The following CA1 variants were observed in gnomAD, a reference collection of about 807,000 sequenced individuals.
CA1 encodes carbonate dehydratase I.
In CA1, 27 loss-of-function variants were observed where a neutral mutation model predicts 28.8. That is an observed-to-expected ratio of 0.94 (90% CI 0.69 to 1.29). The LOEUF is 1.29. CA1 is among the 50% of genes most tolerant of loss of function. The pLI is 0.00. For missense variants in CA1, 335 were observed against 310.5 expected (o/e 1.08, Z -0.59); for synonymous variants, 121 against 108.8 (o/e 1.11, Z -0.70).
At chr8:85,352,186 G>A (rs546971878) in intron 1 of CA1, among the ~76,000 whole-genome samples, 1 of 152,268 alleles carries the variant, frequency 6.6e-6, no homozygotes, top group East Asian at 1.9e-4. Flanking sequence ...GGGGTGGATG[G>A]AGAAAGTATG....
chr8:85,345,747 GT>G (rs1438296606), intron 1 of CA1, among the ~76,000 whole-genome samples: 2 of 152,068 alleles, frequency 1.3e-5, no homozygotes, highest in African/African-American at 4.8e-5. Flanking sequence ...ACTCATGTTT[GT>G]TTTTGGATTA....
chr8:85,364,253 G>GA (rs1809920860), intron 1 of CA1, among the ~76,000 whole-genome samples: 1 of 152,162 alleles, frequency 6.6e-6, no homozygotes, highest in African/African-American at 2.4e-5. Flanking sequence ...ATCCACTTGT[G>GA]AAAATCTAAC....
At chr8:85,337,097 G>T in intron 3 of CA1, 34 bp from the exon 4 acceptor site, 3 of 1,147,930 alleles carry the variant, frequency 2.6e-6, no homozygotes, top group Non-Finnish European at 4.0e-6. Flanking sequence ...TTAGCCTGAT[G>T]CTCCACAAAC....
intron 1 of CA1, among the ~76,000 whole-genome samples, chr8:85,359,426 G>T (rs112294939): frequency 3.9e-5 from 6 of 152,152 alleles, no homozygotes. Flanking sequence ...GACTTCATTC[G>T]GTGGATGAGT....
At chr8:85,361,928 CATACAGAGAGGTAAT>C (rs1354473586) in intron 1 of CA1, among the ~76,000 whole-genome samples, 94 of 152,206 alleles carry the variant, frequency 6.2e-4, no homozygotes, top group Middle Eastern at 3.4e-3. Flanking sequence ...TATGGCAGAC[CATACAGAGAGGTAAT>C]ATAGTAGTTT....
chr8:85,350,972 C>G (rs934774383), intron 1 of CA1, among the ~76,000 whole-genome samples: 9 of 152,212 alleles, frequency 5.9e-5, no homozygotes, highest in African/African-American at 2.2e-4. Flanking sequence ...TTTTGTCACT[C>G]CTGTCTCAGG....
intron 1 of CA1, among the ~76,000 whole-genome samples, chr8:85,347,065 G>A (rs1809221091): frequency 6.6e-6 from 1 of 151,994 alleles, no homozygotes; most frequent in South Asian, 2.1e-4. Flanking sequence ...ATCTGTTTGG[G>A]GGTTCTAGCT....
intron 7 of CA1, 144 bp downstream of exon 7, chr8:85,329,545 G>A: frequency 1.3e-6 from 1 of 788,336 alleles, no homozygotes; most frequent in East Asian, 2.7e-5. Context: ...ATAAACCTAT[G>A]TCCCCAAATT....
chr8:85,336,252 TA>T (rs1438083311), intron 4 of CA1, among the ~76,000 whole-genome samples: 3 of 152,174 alleles, frequency 2.0e-5, no homozygotes, highest in Non-Finnish European at 2.9e-5. Flanking sequence ...TTGATGAAAG[TA>T]AAATTAAAAA....
chr8:85,345,527 T>G (rs1809143322), intron 1 of CA1, among the ~76,000 whole-genome samples: 1 of 152,188 alleles, frequency 6.6e-6, no homozygotes, highest in Non-Finnish European at 1.5e-5. Context: ...CCATGTTCTC[T>G]TCATCTATAA....
chr8:85,341,503 C>T (rs1408015312), intron 2 of CA1, 96 bp downstream of exon 2: 61 of 807,978 alleles, frequency 7.5e-5, no homozygotes, highest in Non-Finnish European at 5.7e-5. Flanking sequence ...AACAATTAAC[C>T]TATAGCTGTA....
chr8:85,357,200 T>C lies in CA1; in HGVS notation c.-24-15541A>G, dbSNP rs187892766. On this transcript the variant is annotated intron_variant, in intron 1 of 7. Coordinates refer to ENST00000523022, the MANE Select transcript of CA1 (RefSeq NM_001128831.4). Reference sequence around the variant, plus strand: ...CAGGTCATGTGTTTTCAGGAACAGTTTTGGTTTTCAGAAATTTTTGGATTT... The same window carrying C: ...CAGGTCATGTGTTTTCAGGAACAGTCTTGGTTTTCAGAAATTTTTGGATTT... 1.4e-4 allele frequency among the ~76,000 whole-genome samples: 22 copies of C among 152,178 alleles called. No homozygotes were observed. The East Asian group carries it at 3.5e-3, about 24-fold the overall frequency.
intron 3 of CA1, 199 bp downstream of exon 3, chr8:85,338,053 A>T (rs1028267950): frequency 1.4e-6 from 1 of 692,886 alleles, no homozygotes; most frequent in East Asian, 2.7e-5. Flanking sequence ...GCAAGACTGA[A>T]AATAGAGAGC....
intron 1 of CA1, among the ~76,000 whole-genome samples, chr8:85,347,837 C>T (rs1039658143): frequency 1.3e-5 from 2 of 152,154 alleles, no homozygotes; most frequent in Non-Finnish European, 2.9e-5. Context: ...GTTGATTTCA[C>T]TACAAATAGC....
intron 4 of CA1, among the ~76,000 whole-genome samples, chr8:85,333,897 G>A (rs929201489): frequency 4.6e-5 from 7 of 152,054 alleles, no homozygotes; most frequent in African/African-American, 1.7e-4. Flanking sequence ...ATCTCTCTTT[G>A]TTTTGAAAAG....
At chr8:85,370,983 G>T (rs534381432) in intron 1 of CA1, among the ~76,000 whole-genome samples, 3 of 152,258 alleles carry the variant, frequency 2.0e-5, no homozygotes, top group South Asian at 2.1e-4. Context: ...TTGGTTGTCT[G>T]CATTTAACAT....
At chr8:85,367,696 T>A (rs1394132360) in intron 1 of CA1, among the ~76,000 whole-genome samples, 1 of 152,224 alleles carries the variant, frequency 6.6e-6, no homozygotes, top group African/African-American at 2.4e-5. Flanking sequence ...ATACTGCTGC[T>A]CTGAGGACCA....
At chr8:85,375,463 C>T (rs1810374694) in intron 1 of CA1, among the ~76,000 whole-genome samples, 2 of 151,046 alleles carry the variant, frequency 1.3e-5, no homozygotes, top group African/African-American at 4.9e-5. Context: ...TGCCACCCAC[C>T]CGCCCTACAC....
At position 85,333,504 on chromosome 8, in the gene CA1, G is replaced by C. The variant is rs779674353; in HGVS notation, c.450+21C>G. The C allele has an allele frequency of 9.8e-6, 14 of 1,431,300 alleles. No homozygotes were observed. In the East Asian group the frequency reaches 3.2e-4, roughly 33 times the overall value. 88.7% of individuals were successfully genotyped at this position (1,431,300 alleles called of 1,614,324 possible). ...TTGGTAAGACAGTGGAAGCAGAGCT[G>C]TGTAATTATCTGTAACTCACCTTCA... is the stretch of plus-strand genomic sequence containing the variant. On this transcript the variant is annotated intron_variant, in intron 5 of 7. Transcript: ENST00000523022.
Sources: gnomAD v4.1 joint callset for allele counts (sites outside exome capture counted in the v4.1 genomes callset) on GRCh38, gnomAD v4.1.1 for gene constraint, MANE v1.5 for transcripts, NCBI Gene and HGNC (gene_info 2026-07-23, HGNC 2026-07-21) for gene names.